The following ATP2A3 variants were observed in gnomAD, a reference collection of about 807,000 sequenced individuals.
ATP2A3 encodes sarcoplasmic/endoplasmic reticulum calcium ATPase 3.
A neutral mutation model predicts 106.8 loss-of-function variants in ATP2A3; 61 were observed. The ratio of observed to expected loss-of-function variants is 0.57; its 90% confidence interval spans 0.46 to 0.71. The LOEUF (loss-of-function observed/expected upper bound fraction) is 0.71. Ranked by LOEUF, ATP2A3 falls within the 30% of genes least tolerant of loss-of-function variation. ATP2A3 has a pLI of 0.00. For synonymous variants in ATP2A3, 611 were observed against 609.3 expected (o/e 1.00, Z -0.04); for missense variants, 1,201 against 1,423.5 (o/e 0.84, Z 2.52).
intron 8 of ATP2A3, 88 bp from the exon 9 acceptor site, chr17:3,945,236 G>T (rs2054046913): frequency 1.5e-6 from 2 of 1,305,492 alleles, no homozygotes; most frequent in African/African-American, 1.5e-5. Context: ...GGTCCTGCAG[G>T]CCCCCTGCCC....
chr17:3,934,658 G>C (rs2053321162), intron 17 of ATP2A3, among the ~76,000 whole-genome samples: 1 of 152,028 alleles, frequency 6.6e-6, no homozygotes, highest in African/African-American at 2.4e-5. Context: ...TGAGTAGCTG[G>C]GATTACAGGC....
intron 13 of ATP2A3, 24 bp downstream of exon 13, chr17:3,941,412 G>T: frequency 6.2e-7 from 1 of 1,612,860 alleles, no homozygotes; most frequent in Non-Finnish European, 8.5e-7. Context: ...TCGTACTGCA[G>T]GGAGAATCGG....
At chr17:3,932,081 C>A (rs2053134755) in intron 17 of ATP2A3, among the ~76,000 whole-genome samples, 1 of 152,194 alleles carries the variant, frequency 6.6e-6, no homozygotes, top group African/African-American at 2.4e-5. Context: ...GACGTTTTCT[C>A]CAAAACTCAA....
Position 3,953,699 on chromosome 17 carries a change from C to A in ATP2A3, c.130G>T (p.Glu44Ter). The A allele has an allele frequency of 6.4e-7, 1 of 1,568,414 alleles. No individual in the cohort carries two copies. The highest frequency in any genetic ancestry group is 2.4e-5 in the East Asian group (1 of 42,288). The change falls in exon 2 of 21, where the codon GAG becomes TAG. Residue 44 changes from glutamate (E) to a stop codon, truncating the protein, a stop_gained. Coordinates refer to ENST00000397041, the MANE Select transcript of ATP2A3 (RefSeq NM_005173.4). LOFTEE classifies it high-confidence loss of function. This position sits in a 1 kb window ranked among gnomAD's most constrained non-coding sequence, Gnocchi z 5.1. Reference protein sequence around the residue: ...ERYGPNELPSEEGKSLWELVL... With the variant: ...ERYGPNELPS ...ATCCCGGTGCCAGCCTCACCTTCCT[C>A]ACTCGGGAGCTCTGCAGGATCCAGG... is the stretch of plus-strand genomic sequence containing the variant.
At chr17:3,945,011 G>T (rs1363674998) in intron 9 of ATP2A3, 49 bp downstream of exon 9, 1 of 1,448,850 alleles carries the variant, frequency 6.9e-7, no homozygotes, top group Non-Finnish European at 9.2e-7. Context: ...GCCACGCGTG[G>T]CCCCGCCCCC....
chr17:3,940,050 G>GTT (rs58490329), intron 14 of ATP2A3, among the ~76,000 whole-genome samples: 1 of 96,800 alleles, frequency 1.0e-5, no homozygotes, highest in Admixed American at 1.1e-4. Context: ...TTTGTTTTTT[G>GTT]TTTTTTTTTT....
chr17:3,958,527 C>T (rs2054914193), intron 1 of ATP2A3, among the ~76,000 whole-genome samples: 1 of 151,932 alleles, frequency 6.6e-6, no homozygotes, highest in Non-Finnish European at 1.5e-5. Flanking sequence ...ACCTGCCCTT[C>T]TAGGATCATG....
At position 3,946,887 on chromosome 17, in the gene ATP2A3, G is replaced by A. The variant is rs1215501095; in HGVS notation, c.1095+504C>T. On this transcript the variant is annotated intron_variant, in intron 8 of 20. Transcript: ENST00000397041. ...AAGTCTCAGCCAGAATCCCTTGGCC[G>A]TGTGGGCAGTGAGCCCAGGATGTGG... Among the ~76,000 whole-genome samples the A allele has an allele frequency of 8.5e-5, 13 of 152,216 alleles. 1 individual carries two copies. The East Asian group carries it at 1.3e-3, about 16-fold the overall frequency.
intron 13 of ATP2A3, 58 bp downstream of exon 13, chr17:3,941,378 G>A: frequency 1.2e-6 from 2 of 1,613,782 alleles, no homozygotes; most frequent in Non-Finnish European, 8.5e-7. Context: ...GCTGCTGCAG[G>A]GAGACTTGGC....
In ATP2A3 at chr17:3,925,346, G is replaced by C; in HGVS notation, c.*76C>G. 2 of 1,612,658 alleles carry C rather than the reference G, an allele frequency of 1.2e-6. No individual in the cohort carries two copies. The highest frequency in any genetic ancestry group is 1.7e-6 in the Non-Finnish European group (2 of 1,179,334). On this transcript the variant is annotated 3_prime_UTR_variant, in exon 21 of 21. Transcript: ENST00000397041. The surrounding 1 kb of genome is among the most constrained non-coding windows in gnomAD (Gnocchi z 4.2). ...GCAAGTGGGCGAGTGTGGTGGCAAGGGTGGGGGGCGGAGGCGAACACATGG... is the reference window on the plus strand; with the variant it reads ...GCAAGTGGGCGAGTGTGGTGGCAAGCGTGGGGGGCGGAGGCGAACACATGG...
At chr17:3,931,811 G>A (rs372256258) in intron 17 of ATP2A3, among the ~76,000 whole-genome samples, 11 of 152,236 alleles carry the variant, frequency 7.2e-5, no homozygotes, top group East Asian at 3.9e-4. Flanking sequence ...GTGAGCCACC[G>A]CGCCCGGCCA....
At position 3,930,675 on chromosome 17, in the gene ATP2A3, G is replaced by C; in HGVS notation, c.2611-241C>G. 1 of 588,492 alleles carries C rather than the reference G, an allele frequency of 1.7e-6. No homozygotes were observed. Among genetic ancestry groups the C allele is most frequent in the Admixed American group, 2.7e-5 (1 of 37,504 alleles). 36.5% of individuals were successfully genotyped at this position (588,492 alleles called of 1,614,324 possible). ...TGGGAAAGGCAGACGTTCTGGAGCA[G>C]GAGTGCAGCGGCTCAGAAGGAGAAC... On this transcript the variant is annotated intron_variant, in intron 17 of 20. Transcript: ENST00000397041. This position sits in a 1 kb window ranked among gnomAD's most constrained non-coding sequence, Gnocchi z 5.4.
At chr17:3,962,744 A>G (rs571261825) in intron 1 of ATP2A3, among the ~76,000 whole-genome samples, 70 of 152,304 alleles carry the variant, frequency 4.6e-4, no homozygotes, top group Non-Finnish European at 8.5e-4. Context: ...GGTCGTACAG[A>G]AGCAGTATTT....
rs937241266 is a variant in ATP2A3 at position 3,928,555 on chromosome 17, T to C, written c.2980+108A>G. On this transcript the variant is annotated intron_variant, in intron 20 of 20. Transcript: ENST00000397041. The surrounding 1 kb of genome is among the most constrained non-coding windows in gnomAD (Gnocchi z 6.1). ...TGGTGATCCGAGAACGCCTCCCCGA[T>C]GTGCAGACAGAGAGGCTCTGCGCTC... is the stretch of plus-strand genomic sequence containing the variant. 1.1e-5 allele frequency: 12 copies of C among 1,102,174 alleles called. No individual in the cohort carries two copies. Among genetic ancestry groups the C allele is most frequent in the Non-Finnish European group, 1.3e-5 (10 of 742,624 alleles). 68.3% of individuals were successfully genotyped at this position (1,102,174 alleles called of 1,614,324 possible). A position where few individuals can be genotyped will look rare whatever the true frequency, so the allele number is the denominator to read the frequency against.
chr17:3,951,365 C>T lies in ATP2A3; in HGVS notation c.349G>A (p.Glu117Lys), dbSNP rs747731276. 1.8e-5 allele frequency: 29 copies of T among 1,613,680 alleles called. 1 individual carries two copies. Among genetic ancestry groups the T allele is most frequent in the South Asian group, 6.6e-5 (6 of 91,084 alleles). The stretch of plus-strand genomic sequence containing the variant: ...TCAGGCTCATACTCCTTCAGGGCCT[C>T]GATGGCACTCTCGGCGTTGCGTTCC... ...WQERNAESAI[E>K]ALKEYEPEMG... Residue 117 changes from glutamate (E) to lysine (K), a missense_variant, in exon 5 of 21, where the codon GAG becomes AAG. By Grantham distance (56) the Glu-to-Lys change is moderately conservative. Around this residue, in one of 2 missense-constraint regions of ATP2A3, gnomAD observed 266 missense variants for 246.8 expected, o/e 1.08. Transcript: ENST00000397041.
rs141661166 is a variant in ATP2A3, at chr17:3,937,643, G to A, written c.2101-7C>T. On this transcript the variant is annotated splice_region_variant and splice_polypyrimidine_tract_variant and intron_variant, in intron 14 of 20. Transcript: ENST00000397041. The stretch of plus-strand genomic sequence containing the variant: ...CGTTCACTCCATCGCCAGTCTGTGG[G>A]CCAGGTCAGGTAGGGCTGTGCCTGA... The A allele has an allele frequency of 1.8e-4, 289 of 1,613,044 alleles. No individual in the cohort carries two copies. The African/African-American group carries it at 3.5e-3, about 20-fold the overall frequency.
chr17:3,932,369 C>T (rs997527953), intron 17 of ATP2A3, among the ~76,000 whole-genome samples: 1 of 152,094 alleles, frequency 6.6e-6, no homozygotes, highest in African/African-American at 2.4e-5. Flanking sequence ...GTCTCGATCT[C>T]CTGACCTCAA....
intron 1 of ATP2A3, among the ~76,000 whole-genome samples, chr17:3,958,264 G>A (rs1020536910): frequency 3.9e-5 from 6 of 152,224 alleles, no homozygotes; most frequent in African/African-American, 1.2e-4. Flanking sequence ...CTTGGAATGC[G>A]TAGCACACAG....
chr17:3,959,418 C>T (rs556337774), intron 1 of ATP2A3, among the ~76,000 whole-genome samples: 17 of 152,284 alleles, frequency 1.1e-4, no homozygotes, highest in African/African-American at 3.9e-4. Context: ...TATGCTGAGT[C>T]CTTACAGTCA....
Sources: gnomAD v4.1 joint callset for allele counts (sites outside exome capture counted in the v4.1 genomes callset) on GRCh38, gnomAD v4.1.1 for gene constraint, gnomAD v4.1.1 regional missense constraint, Gnocchi (gnomAD v3.1) non-coding constraint, MANE v1.5 for transcripts, NCBI Gene and HGNC (gene_info 2026-07-23, HGNC 2026-07-21) for gene names.